P4HA1: variants seen among roughly 807,000 people sequenced by gnomAD.
The protein encoded by P4HA1 is prolyl 4-hydroxylase subunit alpha 1, also known as prolyl 4-hydroxylase subunit alpha-1.
A neutral mutation model predicts 72.8 loss-of-function variants in P4HA1; 24 were observed. That is an observed-to-expected ratio of 0.33 (90% CI 0.24 to 0.46). The LOEUF (loss-of-function observed/expected upper bound fraction) is 0.46, where lower values mean the gene tolerates loss of function less well. P4HA1 is among the 20% of genes least tolerant of loss of function. The probability of loss-of-function intolerance (pLI) is 1.00; values close to 1 mark genes in which losing one functional copy is unlikely to be tolerated. For synonymous variants in P4HA1, 201 were observed against 218.8 expected (o/e 0.92, Z 0.72); for missense variants, 446 against 640.6 (o/e 0.70, Z 3.28).
At chr10:73,009,516 T>C (rs1412856912) in intron 14 of P4HA1, 4 of 262,656 alleles carry the variant, frequency 1.5e-5, no homozygotes, top group African/African-American at 8.7e-5. Flanking sequence ...TTATAATCCA[T>C]TAGTATGTCT....
intron 10 of P4HA1, among the ~76,000 whole-genome samples, chr10:73,020,852 T>TG (rs1840118682): frequency 6.6e-6 from 1 of 152,194 alleles, no homozygotes; most frequent in South Asian, 2.1e-4. Context: ...TTCAGCATCC[T>TG]GGCCAGGCAC....
At chr10:73,062,510 CA>C (rs1304084538) in intron 5 of P4HA1, among the ~76,000 whole-genome samples, 1 of 151,918 alleles carries the variant, frequency 6.6e-6, no homozygotes, top group Non-Finnish European at 1.5e-5. Flanking sequence ...TGTATTTGAC[CA>C]GAAACTACTG....
rs1048969843 is a variant in P4HA1 at position 73,008,078 on chromosome 10, C to T, written c.*144G>A. The T allele has an allele frequency of 1.6e-5, 8 of 489,310 alleles. No individual in the cohort carries two copies. The highest frequency in any genetic ancestry group is 4.8e-5 in the South Asian group (1 of 20,872). 30.3% of individuals were successfully genotyped at this position (489,310 alleles called of 1,614,324 possible). On this transcript the variant is annotated 3_prime_UTR_variant, in exon 15 of 15. Coordinates refer to ENST00000394890, the MANE Select transcript of P4HA1 (RefSeq NM_001017962.3). ...AGAACCCACAAAGTAAGCAATTGTC[C>T]ACAGATGAAACATGGGATGAGGTTC...
chr10:73,049,984 G>GGT (rs1840978082), intron 7 of P4HA1, among the ~76,000 whole-genome samples: 2 of 151,612 alleles, frequency 1.3e-5, no homozygotes, highest in Non-Finnish European at 2.9e-5. Context: ...GCCAACATAA[G>GGT]GAAACCCCGT....
At chr10:73,061,594 T>C (rs893840470) in intron 5 of P4HA1, among the ~76,000 whole-genome samples, 1 of 152,082 alleles carries the variant, frequency 6.6e-6, no homozygotes, top group African/African-American at 2.4e-5. Context: ...TAGTAAGTGG[T>C]TATGTTACTT....
chr10:73,088,940 ATTC>A (rs975025146), intron 1 of P4HA1, among the ~76,000 whole-genome samples: 1 of 152,212 alleles, frequency 6.6e-6, no homozygotes, highest in African/African-American at 2.4e-5. Flanking sequence ...CAACTTTGTT[ATTC>A]TTTTTCAAAA....
chr10:73,092,346 CTT>C (rs1157972087), intron 1 of P4HA1, among the ~76,000 whole-genome samples: 4,868 of 112,140 alleles, frequency 0.043, 258 homozygotes, highest in African/African-American at 0.15. Context: ...TTTTTCTTTT[CTT>C]TTTTTTTTTT....
chr10:73,051,031 A>G (rs1445842665), intron 7 of P4HA1, 22 bp downstream of exon 7: 3 of 1,574,536 alleles, frequency 1.9e-6, no homozygotes. Flanking sequence ...TCACATACAC[A>G]CAATTGGCTT....
At chr10:73,052,080 GAT>G (rs1841034367) in intron 6 of P4HA1, among the ~76,000 whole-genome samples, 1 of 151,464 alleles carries the variant, frequency 6.6e-6, no homozygotes. Flanking sequence ...GGAAACTAAA[GAT>G]ATAATTTTCG....
At chr10:73,096,422 A>G (rs76208844) in intron 1 of P4HA1, among the ~76,000 whole-genome samples, 3 of 143,252 alleles carry the variant, frequency 2.1e-5, no homozygotes, top group East Asian at 2.0e-4. Flanking sequence ...GGGAACTTGG[A>G]AAAAAAAAAA....
At chr10:73,058,080 A>G (rs1295816725) in intron 5 of P4HA1, among the ~76,000 whole-genome samples, 1 of 134,152 alleles carries the variant, frequency 7.5e-6, no homozygotes, top group African/African-American at 2.9e-5. Context: ...ACAGAGCAAG[A>G]CTCCGTCCAG....
chr10:73,039,220 G>A (rs1840674808), intron 9 of P4HA1, among the ~76,000 whole-genome samples: 1 of 152,106 alleles, frequency 6.6e-6, no homozygotes, highest in Non-Finnish European at 1.5e-5. Context: ...GGAGTTGGAA[G>A]GAGCAGTGAG....
intron 2 of P4HA1, 105 bp downstream of exon 2, chr10:73,074,703 A>G (rs919967410): frequency 7.3e-6 from 5 of 681,208 alleles, no homozygotes; most frequent in Non-Finnish European, 1.3e-5. Flanking sequence ...GAATAAACCT[A>G]TACTCTAGGA....
intron 9 of P4HA1, 107 bp downstream of exon 9, chr10:73,044,874 C>T: frequency 1.2e-6 from 1 of 815,458 alleles, no homozygotes; most frequent in Non-Finnish European, 2.0e-6. Flanking sequence ...AGGGTGGTGA[C>T]TTGAGCTGGT....
At chr10:73,048,977 A>G (rs1423883935) in intron 7 of P4HA1, among the ~76,000 whole-genome samples, 2 of 152,166 alleles carry the variant, frequency 1.3e-5, no homozygotes, top group East Asian at 3.9e-4. Context: ...TACTAAAAAT[A>G]CAAAAAATTA....
Position 73,052,609 on chromosome 10 carries a change from T to A in P4HA1, c.703+742A>T, listed in dbSNP as rs899947610. Among the ~76,000 whole-genome samples, 54 of 152,304 alleles carry A rather than the reference T, an allele frequency of 3.5e-4. 1 individual carries two copies. The highest frequency in any genetic ancestry group is 3.4e-3 in the Middle Eastern group (1 of 294). On this transcript the variant is annotated intron_variant, in intron 6 of 14. Transcript: ENST00000394890. The stretch of plus-strand genomic sequence containing the variant: ...ATATCTTGATTTATTATTACCCAAC[T>A]AAGAAATAACCCAATTATCCAAAGT...
chr10:73,027,773 GAAGGAAGC>G (rs1489489381), intron 10 of P4HA1, among the ~76,000 whole-genome samples: 1 of 140,492 alleles, frequency 7.1e-6, no homozygotes, highest in African/African-American at 2.7e-5. Context: ...AGGAAGGAAG[GAAGGAAGC>G]AAGCAAACAT....
In P4HA1 at chr10:73,014,308, T is replaced by G; in HGVS notation, c.1303-19A>C. On this transcript the variant is annotated intron_variant, in intron 11 of 14. Coordinates refer to ENST00000394890, the MANE Select transcript of P4HA1 (RefSeq NM_001017962.3). ...CATCTTTCTGTGAATAAAAACACAGTAAATTCAATGGTGTAAAAATTCAGT... is the reference window on the plus strand; with the variant it reads ...CATCTTTCTGTGAATAAAAACACAGGAAATTCAATGGTGTAAAAATTCAGT... 1 of 1,582,266 alleles carries G rather than the reference T, an allele frequency of 6.3e-7. No homozygotes were observed.
At chr10:73,068,422 A>G (rs1316964858) in intron 5 of P4HA1, among the ~76,000 whole-genome samples, 1 of 152,204 alleles carries the variant, frequency 6.6e-6, no homozygotes, top group East Asian at 1.9e-4. Context: ...GATGTTCCAT[A>G]CTATGGAACA....
Sources: allele counts gnomAD v4.1 joint callset (sites outside exome capture counted in the v4.1 genomes callset), GRCh38; gene constraint gnomAD v4.1.1; transcripts MANE v1.5; gene names NCBI Gene and HGNC (gene_info 2026-07-23, HGNC 2026-07-21).